KATNAL2: variants seen among roughly 807,000 people sequenced by gnomAD.
KATNAL2 encodes katanin catalytic subunit A1 like 2, also known as katanin p60 ATPase-containing subunit A-like 2.
Under a neutral mutation model 76.3 loss-of-function variants are expected in KATNAL2, and 52 were observed. The ratio of observed to expected loss-of-function variants is 0.68; its 90% CI spans 0.55 to 0.86. The LOEUF is 0.86. Ranked by LOEUF, KATNAL2 falls within the 40% of genes least tolerant of loss-of-function variation. The pLI, the probability that KATNAL2 is intolerant of heterozygous loss-of-function variation, is 0.00. For missense variants in KATNAL2, 660 were observed against 668.9 expected, an observed-to-expected ratio of 0.99 and a Z score of 0.15; for synonymous variants, 243 against 244.2, an observed-to-expected ratio of 1.00 and a Z score of 0.05.
At chr18:47,073,044 T>A (rs1490178322) in intron 13 of KATNAL2, among the ~76,000 whole-genome samples, 1 of 152,114 alleles carries the variant, frequency 6.6e-6, no homozygotes, top group Non-Finnish European at 1.5e-5. Flanking sequence ...CGAAGTAGAA[T>A]CGCCAAGTCA....
chr18:47,035,067 G>A, intron 3 of KATNAL2: 1 of 1,610,792 alleles, frequency 6.2e-7, no homozygotes, highest in Non-Finnish European at 8.5e-7. Context: ...CTAAGTCTCT[G>A]GCAAAGTCGC....
At position 47,101,101 on chromosome 18, in the gene KATNAL2, A is replaced by C; in HGVS notation, c.*96A>C. 1 of 1,406,300 alleles carries C rather than the reference A, an allele frequency of 7.1e-7. No homozygotes were observed. Among genetic ancestry groups the C allele is most frequent in the East Asian group, 2.3e-5 (1 of 42,692 alleles). The allele number at this position is 1,406,300 out of a possible 1,614,324, so 87.1% of individuals were successfully genotyped here. A position where few individuals can be genotyped will look rare whatever the true frequency, so the allele number is the denominator to read the frequency against. On this transcript the variant is annotated 3_prime_UTR_variant, in exon 18 of 18. Transcript: ENST00000683218. ...GAACAAAATGATTGGAATGGAAAAG[A>C]GAAAATTATTTTTGAAGACTGGATT... is the stretch of plus-strand genomic sequence containing the variant.
intron 13 of KATNAL2, among the ~76,000 whole-genome samples, chr18:47,073,661 A>T (rs781407873): frequency 6.6e-6 from 1 of 152,074 alleles, no homozygotes; most frequent in South Asian, 2.1e-4. Flanking sequence ...TCCCCTACTA[A>T]TGTCTGTGCC....
intron 3 of KATNAL2, among the ~76,000 whole-genome samples, chr18:47,031,832 A>G (rs1349357432): frequency 6.6e-6 from 1 of 152,092 alleles, no homozygotes; most frequent in Non-Finnish European, 1.5e-5. Flanking sequence ...CCCAGAAAGA[A>G]TGCTTTCTTG....
rs78170350 is a variant in KATNAL2 at position 47,089,855 on chromosome 18, T to C, written c.1212-9388T>C. 5.5e-3 allele frequency among the ~76,000 whole-genome samples: 835 copies of C among 152,306 alleles called. 9 individuals are homozygous for C. The highest frequency in any genetic ancestry group is 0.019 in the African/African-American group (800 of 41,560). Reference sequence around the variant, plus strand: ...TGTTAAGGAAGCAGGCCATTTAACATGAAGTAAGTAGCCCTGCACCTAAAG... The same window carrying C: ...TGTTAAGGAAGCAGGCCATTTAACACGAAGTAAGTAGCCCTGCACCTAAAG... On this transcript the variant is annotated intron_variant, in intron 15 of 17. Transcript: ENST00000683218.
At position 47,058,321 on chromosome 18, in the gene KATNAL2, C is replaced by A; in HGVS notation, c.419C>A (p.Thr140Asn). Residue 140 changes from threonine (T) to asparagine (N), a missense_variant, in exon 7 of 18, where the codon ACC (threonine) becomes AAC (asparagine). Coordinates refer to ENST00000683218, the MANE Select transcript of KATNAL2 (RefSeq NM_001387690.1). Reference protein sequence around the residue: ...SKTTAGKTGDTKSLNKEHPNQ... With the variant: ...SKTTAGKTGDNKSLNKEHPNQ... Reference sequence around the variant, plus strand: ...ACCACAGCGGGGAAGACAGGGGACACCAAATCGCTCAATAAGGAGCATCCT... The same window carrying A: ...ACCACAGCGGGGAAGACAGGGGACAACAAATCGCTCAATAAGGAGCATCCT... 6.2e-7 allele frequency: 1 copy of A among 1,613,522 alleles called. No homozygotes were observed. The highest frequency in any genetic ancestry group is 8.5e-7 in the Non-Finnish European group (1 of 1,179,466).
intron 15 of KATNAL2, among the ~76,000 whole-genome samples, chr18:47,086,709 T>C (rs903063509): frequency 6.6e-6 from 1 of 152,204 alleles, no homozygotes; most frequent in African/African-American, 2.4e-5. Flanking sequence ...TCCCACACAA[T>C]AATATCAAGC....
chr18:47,033,234 C>A lies in KATNAL2; in HGVS notation c.52-13223C>A, dbSNP rs1263937796. On this transcript the variant is annotated intron_variant, in intron 3 of 17. Transcript: ENST00000683218. ...AGGGAGTGTGGCTGCTTCCCGCGGG[C>A]TTGGAGGCTGGCTTGATCTCCCCAT... is the stretch of plus-strand genomic sequence containing the variant. The A allele has an allele frequency of 8.7e-6, 14 of 1,613,862 alleles. No individual in the cohort carries two copies. The highest frequency in any genetic ancestry group is 1.1e-5 in the Non-Finnish European group (13 of 1,180,028).
intron 8 of KATNAL2, among the ~76,000 whole-genome samples, chr18:47,061,254 A>C (rs1186042847): frequency 6.6e-6 from 1 of 152,162 alleles, no homozygotes; most frequent in African/African-American, 2.4e-5. Flanking sequence ...TTTGACTCAT[A>C]GTTCTATATG....
chr18:47,077,607 C>A, intron 15 of KATNAL2, 146 bp downstream of exon 15: 1 of 620,782 alleles, frequency 1.6e-6, no homozygotes. Flanking sequence ...TGTTCAGGTC[C>A]CCAATCCTTG....
chr18:46,962,157 C>T (rs1391516129), intron 3 of KATNAL2, among the ~76,000 whole-genome samples: 1 of 148,894 alleles, frequency 6.7e-6, no homozygotes, highest in Non-Finnish European at 1.5e-5. Flanking sequence ...CGTGCCACCA[C>T]GCCGGGCTCA....
At chr18:46,947,578 G>C (rs1304747757) in intron 3 of KATNAL2, among the ~76,000 whole-genome samples, 1 of 151,976 alleles carries the variant, frequency 6.6e-6, no homozygotes, top group Non-Finnish European at 1.5e-5. Flanking sequence ...AAAACAACGT[G>C]GGGGCGGGGG....
chr18:47,043,611 G>C (rs959607232), intron 3 of KATNAL2, among the ~76,000 whole-genome samples: 4 of 152,172 alleles, frequency 2.6e-5, no homozygotes, highest in Admixed American at 1.3e-4. Context: ...CCCAGAAAAA[G>C]CATCTATTGC....
chr18:46,957,249 CTTTTTTTTTTTTT>C (rs1223846865), intron 3 of KATNAL2, among the ~76,000 whole-genome samples: 2 of 73,914 alleles, frequency 2.7e-5, no homozygotes, highest in African/African-American at 1.1e-4. Context: ...TTGCCCTCTT[CTTTTTTTTTTTTT>C]TTTTTTTTTT....
chr18:47,100,722 C>T, intron 17 of KATNAL2, 144 bp from the exon 18 acceptor site: 2 of 1,036,718 alleles, frequency 1.9e-6, no homozygotes, highest in South Asian at 3.3e-5. Context: ...TTTCCCCAGC[C>T]CTCTTTAGTC....
intron 3 of KATNAL2, among the ~76,000 whole-genome samples, chr18:46,962,255 C>T (rs538536085): frequency 2.9e-4 from 39 of 134,204 alleles, no homozygotes; most frequent in Admixed American, 7.5e-4. Context: ...CTTTCCTCGG[C>T]CTCCCAGAGG....
Position 47,053,057 on chromosome 18 carries a change from A to C in KATNAL2, c.289+11A>C, listed in dbSNP as rs761737658. The C allele has an allele frequency of 1.1e-5, 17 of 1,572,838 alleles. No homozygotes were observed. Among genetic ancestry groups the C allele is most frequent in the Non-Finnish European group, 1.5e-5 (17 of 1,161,560 alleles). ...AGTCATCAGACACAGGTACATGCCTATTTTCTAGAGATAAGGCTTTGTCTC... is the reference window on the plus strand; with the variant it reads ...AGTCATCAGACACAGGTACATGCCTCTTTTCTAGAGATAAGGCTTTGTCTC... On this transcript the variant is annotated intron_variant, in intron 5 of 17. Transcript: ENST00000683218.
At chr18:47,031,655 T>A (rs2060456116) in intron 3 of KATNAL2, among the ~76,000 whole-genome samples, 1 of 152,156 alleles carries the variant, frequency 6.6e-6, no homozygotes, top group African/African-American at 2.4e-5. Flanking sequence ...TGAGGATTAT[T>A]TTAGTAGAGA....
chr18:47,082,314 C>T (rs1396921315), intron 15 of KATNAL2, among the ~76,000 whole-genome samples: 1 of 152,146 alleles, frequency 6.6e-6, no homozygotes, highest in Admixed American at 6.5e-5. Flanking sequence ...GCCAGTAGCA[C>T]CTCCTCCCCA....
Sources: allele counts gnomAD v4.1 joint callset (sites outside exome capture counted in the v4.1 genomes callset), GRCh38; gene constraint gnomAD v4.1.1; transcripts MANE v1.5; gene names NCBI Gene and HGNC (gene_info 2026-07-23, HGNC 2026-07-21).